FAM151B: variants seen among roughly 807,000 people sequenced by gnomAD.
The protein encoded by FAM151B is family with sequence similarity 151 member B.
FAM151B carries 24 observed loss-of-function variants against 31.2 expected under a neutral mutation model. The observed-to-expected ratio is 0.77, with a 90% CI of 0.56 to 1.08. FAM151B has a LOEUF of 1.08. Among genes scored for constraint, FAM151B ranks in the 50% least tolerant of loss-of-function variants. FAM151B has a pLI of 0.00. For synonymous variants in FAM151B, 105 were observed against 111.4 expected, an observed-to-expected ratio of 0.94 and a Z score of 0.36; for missense variants, 293 against 328.6, an observed-to-expected ratio of 0.89 and a Z score of 0.84.
In FAM151B at chr5:80,538,073, A is replaced by T. The variant is rs951676260; in HGVS notation, c.672-3600A>T. ...TTTTACTTTTATTTTTATTTTATTA[A>T]TTTTTTTTTTTTTGAGGCAGAGTCT... On this transcript the variant is annotated intron_variant, in intron 5 of 5. Transcript: ENST00000282226. 4.9e-5 allele frequency among the ~76,000 whole-genome samples: 7 copies of T among 141,464 alleles called. No individual in the cohort carries two copies. The East Asian group carries it at 1.4e-3, about 29-fold the overall frequency. The allele number at this position is 141,464 out of a possible 152,430, so 92.8% of individuals were successfully genotyped here.
At chr5:80,534,803 G>A (rs780863826) in intron 5 of FAM151B, among the ~76,000 whole-genome samples, 15 of 152,092 alleles carry the variant, frequency 9.9e-5, no homozygotes, top group African/African-American at 3.1e-4. Context: ...AAATTGGAAA[G>A]GAAGAAGTCA....
At position 80,519,840 on chromosome 5, in the gene FAM151B, A is replaced by G. The variant is rs1166848552; in HGVS notation, c.465A>G (p.Ile155Met). The change falls in exon 4 of 6, where the codon ATA (isoleucine) becomes ATG (methionine). Residue 155 changes from isoleucine (I) to methionine (M), a missense_variant. Coordinates refer to ENST00000282226, the MANE Select transcript of FAM151B (RefSeq NM_205548.3). The stretch of plus-strand genomic sequence containing the variant: ...CAAAACCATTTTTAGACACCGTGAT[A>G]TCCTTCTTTCCAGACGTGACGTTTT... Reference protein sequence around the residue: ...IDAKPFLDTVISFFPDVTFSL... With the variant: ...IDAKPFLDTVMSFFPDVTFSL... 6.2e-7 allele frequency: 1 copy of G among 1,614,170 alleles called. No individual in the cohort carries two copies. The highest frequency in any genetic ancestry group is 8.5e-7 in the Non-Finnish European group (1 of 1,180,020).
chr5:80,528,358 T>C (rs1561376976), intron 5 of FAM151B, among the ~76,000 whole-genome samples: 1 of 152,106 alleles, frequency 6.6e-6, no homozygotes. Context: ...GGGTAAGTCC[T>C]TACTTATCAA....
intron 5 of FAM151B, among the ~76,000 whole-genome samples, chr5:80,540,395 A>G (rs1745825150): frequency 6.6e-6 from 1 of 152,150 alleles, no homozygotes; most frequent in Non-Finnish European, 1.5e-5. Context: ...TAAAATTTAT[A>G]TTTATGTTTT....
intron 1 of FAM151B, among the ~76,000 whole-genome samples, chr5:80,494,452 TTTCTTTTCTTTCTTTCTTTCTTTCTTTC>T (rs1743432950): frequency 2.3e-5 from 1 of 44,362 alleles, no homozygotes; most frequent in Non-Finnish European, 6.1e-5. Context: ...TTTTTCTTTC[TTTCTTTTCTTTCTTTCTTTCTTTCTTTC>T]TTTCTTTCTT....
At chr5:80,500,392 G>A (rs1743699622) in intron 1 of FAM151B, 3 of 1,232,878 alleles carry the variant, frequency 2.4e-6, no homozygotes, top group East Asian at 4.6e-5. Context: ...TTAAGAAAAA[G>A]CAAGGGAATT....
chr5:80,513,671 T>A lies in FAM151B; in HGVS notation c.219T>A (p.Ile73=). Residue 73 remains isoleucine, a synonymous_variant, in exon 3 of 6, where the codon ATT becomes ATA. Transcript: ENST00000282226. Reference sequence around the variant, plus strand: ...ATGGATCAGAACACAGCCAGCCAATTATGGCCCATCCCCCTGAAACAAACA... The same window carrying A: ...ATGGATCAGAACACAGCCAGCCAATAATGGCCCATCCCCCTGAAACAAACA... ...PSDGSEHSQP[I]MAHPPETNSD... 6.2e-7 allele frequency: 1 copy of A among 1,614,118 alleles called. No individual in the cohort carries two copies. The highest frequency in any genetic ancestry group is 2.2e-5 in the East Asian group (1 of 44,874).
At chr5:80,505,425 C>G (rs1480048544) in intron 2 of FAM151B, among the ~76,000 whole-genome samples, 1 of 149,548 alleles carries the variant, frequency 6.7e-6, no homozygotes, top group Non-Finnish European at 1.5e-5. Context: ...GACAGAGTCT[C>G]ACTCTGTCAC....
At position 80,513,611 on chromosome 5, in the gene FAM151B, T is replaced by C; in HGVS notation, c.159T>C (p.Ala53=). ...AQTNEALKST[A]HMIEADVLLP... ...GTTCTTTTATTTGGACAGGTACTGCTCACATGATAGAGGCTGATGTCCTTC... is the reference window on the plus strand; with the variant it reads ...GTTCTTTTATTTGGACAGGTACTGCCCACATGATAGAGGCTGATGTCCTTC... Residue 53 remains alanine, a synonymous_variant, in exon 3 of 6, where the codon GCT becomes GCC. Coordinates refer to ENST00000282226, the MANE Select transcript of FAM151B (RefSeq NM_205548.3). The C allele has an allele frequency of 1.2e-6, 2 of 1,612,950 alleles. No homozygotes were observed. Among genetic ancestry groups the C allele is most frequent in the Non-Finnish European group, 1.7e-6 (2 of 1,179,704 alleles).
chr5:80,536,795 C>CATAG (rs1745534732), intron 5 of FAM151B, among the ~76,000 whole-genome samples: 1 of 152,070 alleles, frequency 6.6e-6, no homozygotes, highest in African/African-American at 2.4e-5. Flanking sequence ...ATAAGCCAGG[C>CATAG]ACAGAAAGAT....
At chr5:80,508,703 G>A (rs1194728721) in intron 2 of FAM151B, among the ~76,000 whole-genome samples, 1 of 151,946 alleles carries the variant, frequency 6.6e-6, no homozygotes, top group African/African-American at 2.4e-5. Context: ...AAAATATAGT[G>A]GGCTTTTAAT....
chr5:80,538,068 T>G (rs1323000141), intron 5 of FAM151B, among the ~76,000 whole-genome samples: 1 of 112,402 alleles, frequency 8.9e-6, no homozygotes, highest in Admixed American at 9.3e-5. Context: ...ATTTTTATTT[T>G]ATTAATTTTT....
chr5:80,532,698 C>G (rs1198447094), intron 5 of FAM151B, among the ~76,000 whole-genome samples: 2 of 152,204 alleles, frequency 1.3e-5, no homozygotes, highest in African/African-American at 4.8e-5. Flanking sequence ...GCAAAATACA[C>G]ATTCTTTTTC....
chr5:80,511,435 C>CAAA (rs57587683), intron 2 of FAM151B, among the ~76,000 whole-genome samples: 7 of 54,076 alleles, frequency 1.3e-4, no homozygotes, highest in East Asian at 5.9e-4. Flanking sequence ...GACTCTGTCT[C>CAAA]AAAAAAAAAA....
chr5:80,504,380 T>C (rs146157904), intron 2 of FAM151B, among the ~76,000 whole-genome samples: 1,599 of 152,226 alleles, frequency 0.011, 28 homozygotes, highest in African/African-American at 0.035. Context: ...ACTGCTGTAG[T>C]TCCCCCTTTT....
chr5:80,493,649 A>G (rs1392273907), intron 1 of FAM151B, among the ~76,000 whole-genome samples: 1 of 152,146 alleles, frequency 6.6e-6, no homozygotes, highest in African/African-American at 2.4e-5. Context: ...TATGCGGTTG[A>G]TATAAGGATT....
intron 4 of FAM151B, among the ~76,000 whole-genome samples, chr5:80,521,333 C>T (rs1744709020): frequency 6.6e-6 from 1 of 151,026 alleles, no homozygotes; most frequent in South Asian, 2.1e-4. Context: ...ACTAAGTTGC[C>T]CAGGCTGGTT....
At chr5:80,513,871 C>G (rs1428942921) in intron 3 of FAM151B, 102 bp downstream of exon 3, 2 of 1,137,258 alleles carry the variant, frequency 1.8e-6, no homozygotes, top group Non-Finnish European at 2.4e-6. Context: ...GAATTGTAGA[C>G]TCTAATATAT....
chr5:80,508,266 T>C (rs1744053209), intron 2 of FAM151B, among the ~76,000 whole-genome samples: 2 of 152,192 alleles, frequency 1.3e-5, no homozygotes, highest in Admixed American at 1.3e-4. Flanking sequence ...GACATGTGTT[T>C]TCAGTTCTCT....
Sources: gnomAD v4.1 joint callset for allele counts (sites outside exome capture counted in the v4.1 genomes callset) on GRCh38, gnomAD v4.1.1 for gene constraint, MANE v1.5 for transcripts, NCBI Gene and HGNC (gene_info 2026-07-23, HGNC 2026-07-21) for gene names.